CADPS2: variants seen among roughly 807,000 people sequenced by gnomAD.
CADPS2 encodes calcium-dependent secretion activator 2.
In CADPS2, 93 loss-of-function variants were observed where a neutral mutation model predicts 172.5. That is an observed-to-expected ratio of 0.54 (90% CI 0.46 to 0.64). The LOEUF is 0.64. Among genes scored for constraint, CADPS2 ranks in the 30% least tolerant of loss-of-function variants. CADPS2 has a pLI of 0.00. For missense variants in CADPS2, 1,420 were observed against 1,565.9 expected (o/e 0.91, Z 1.57); for synonymous variants, 546 against 555.2 (o/e 0.98, Z 0.23).
intron 28 of CADPS2, among the ~76,000 whole-genome samples, chr7:122,345,153 T>C (rs1159840574): frequency 6.6e-6 from 1 of 152,112 alleles, no homozygotes; most frequent in Non-Finnish European, 1.5e-5. Flanking sequence ...TGAGAGAAAG[T>C]CTCACTCTTT....
At chr7:122,638,518 C>G (rs1216447959) in intron 3 of CADPS2, among the ~76,000 whole-genome samples, 3 of 152,182 alleles carry the variant, frequency 2.0e-5, no homozygotes, top group Non-Finnish European at 4.4e-5. Flanking sequence ...CCATCTCCAG[C>G]ACCATGACTG....
At chr7:122,485,515 C>A (rs1010271683) in intron 11 of CADPS2, among the ~76,000 whole-genome samples, 3 of 152,210 alleles carry the variant, frequency 2.0e-5, no homozygotes, top group Admixed American at 6.5e-5. Flanking sequence ...GATTCTATGA[C>A]AGCTGAGAGA....
chr7:122,547,974 A>C (rs2063795401), intron 8 of CADPS2, among the ~76,000 whole-genome samples: 1 of 152,178 alleles, frequency 6.6e-6, no homozygotes, highest in African/African-American at 2.4e-5. Flanking sequence ...CTAATTATAC[A>C]ATCACATGAA....
At chr7:122,665,861 ATT>A (rs1243155039) in intron 2 of CADPS2, among the ~76,000 whole-genome samples, 1 of 152,134 alleles carries the variant, frequency 6.6e-6, no homozygotes. Flanking sequence ...TCCCTGTCTT[ATT>A]TTTTATGTTT....
chr7:122,403,143 T>C (rs1424300811), intron 20 of CADPS2, among the ~76,000 whole-genome samples: 2 of 152,206 alleles, frequency 1.3e-5, no homozygotes, highest in Non-Finnish European at 2.9e-5. Context: ...TTATTAACAA[T>C]GGTCTTCAGT....
At chr7:122,777,301 C>A (rs902907463) in intron 1 of CADPS2, among the ~76,000 whole-genome samples, 2 of 152,180 alleles carry the variant, frequency 1.3e-5, no homozygotes, top group African/African-American at 4.8e-5. Context: ...TGTACCATTG[C>A]TGCCACCAAA....
At position 122,886,183 on chromosome 7, in the gene CADPS2, C is replaced by T; in HGVS notation, c.155G>A (p.Gly52Asp). 2.0e-6 allele frequency: 3 copies of T among 1,468,212 alleles called. No homozygotes were observed. Among genetic ancestry groups the T allele is most frequent in the South Asian group, 1.4e-5 (1 of 71,680 alleles). The allele number at this position is 1,468,212 out of a possible 1,614,324, so 90.9% of individuals were successfully genotyped here. ...GCTCGGGCTCACAGATCTGGCCGCG[C>T]CGCCGCCGCCCGCGCGCCCCGGCGC... ...RDAPGRAGGG[G>D]AARSVSPSPS... Residue 52 changes from glycine (G) to aspartate (D), a missense_variant, in exon 1 of 30, where the codon GGC (glycine) becomes GAC (aspartate). Coordinates refer to ENST00000449022, the MANE Select transcript of CADPS2 (RefSeq NM_017954.11).
chr7:122,403,874 A>C (rs1228143980), intron 20 of CADPS2, among the ~76,000 whole-genome samples: 1 of 152,216 alleles, frequency 6.6e-6, no homozygotes, highest in Non-Finnish European at 1.5e-5. Context: ...TTCTCCAACA[A>C]AACTTCCAAG....
intron 2 of CADPS2, among the ~76,000 whole-genome samples, chr7:122,670,869 CAAAAAA>C (rs35788531): frequency 8.1e-6 from 1 of 122,976 alleles, no homozygotes; most frequent in South Asian, 2.9e-4. Flanking sequence ...AACCCTGTTT[CAAAAAA>C]AAAAAAAAAA....
chr7:122,407,905 G>C, intron 19 of CADPS2: 1 of 510,288 alleles, frequency 2.0e-6, no homozygotes, highest in East Asian at 3.2e-5. Flanking sequence ...ATAGAAAATA[G>C]AATTAAAATG....
chr7:122,766,658 G>A (rs1290871709), intron 1 of CADPS2, among the ~76,000 whole-genome samples: 1 of 152,140 alleles, frequency 6.6e-6, no homozygotes, highest in Non-Finnish European at 1.5e-5. Context: ...AAGAAAAGGT[G>A]TAAGTGTGTA....
At chr7:122,741,575 A>G (rs902771770) in intron 1 of CADPS2, among the ~76,000 whole-genome samples, 1 of 152,102 alleles carries the variant, frequency 6.6e-6, no homozygotes, top group African/African-American at 2.4e-5. Context: ...CTCTGTGTCT[A>G]TTTTTTTAAA....
intron 1 of CADPS2, among the ~76,000 whole-genome samples, chr7:122,821,293 G>T (rs1343956324): frequency 6.6e-6 from 1 of 152,098 alleles, no homozygotes; most frequent in Non-Finnish European, 1.5e-5. Flanking sequence ...ATGCTATATA[G>T]TACAAGCCAC....
chr7:122,753,353 G>A (rs2093026924), intron 1 of CADPS2, among the ~76,000 whole-genome samples: 2 of 152,132 alleles, frequency 1.3e-5, no homozygotes, highest in South Asian at 2.1e-4. Flanking sequence ...TACATGCAAA[G>A]AGGAAACTTT....
chr7:122,702,752 C>T (rs770021048), intron 2 of CADPS2: 2 of 1,587,632 alleles, frequency 1.3e-6, no homozygotes, highest in Middle Eastern at 1.7e-4. Flanking sequence ...GAAGCTCATG[C>T]CTCCATTTGT....
At position 122,581,228 on chromosome 7, in the gene CADPS2, AAG is replaced by A; in HGVS notation, c.1284_1285del (p.Phe429HisfsTer12). On this transcript the variant is annotated frameshift_variant, in exon 7 of 30. Transcript: ENST00000449022. LOFTEE classifies it high-confidence loss of function. ...GGCCAGAACTCCAGTGCTTTCTGTG[AAG>A]AGTTTCACTTTGACCACAGGCCGAG... The A allele has an allele frequency of 6.2e-7, 1 of 1,613,302 alleles. No homozygotes were observed. Among genetic ancestry groups the A allele is most frequent in the Non-Finnish European group, 8.5e-7 (1 of 1,179,448 alleles).
chr7:122,738,433 A>C (rs796545228), intron 1 of CADPS2, among the ~76,000 whole-genome samples: 56 of 152,136 alleles, frequency 3.7e-4, no homozygotes, highest in African/African-American at 1.3e-3. Flanking sequence ...ACTGGAGAGA[A>C]AACAACATAG....
At chr7:122,674,521 A>T (rs1254695165) in intron 2 of CADPS2, among the ~76,000 whole-genome samples, 1 of 152,204 alleles carries the variant, frequency 6.6e-6, no homozygotes, top group Non-Finnish European at 1.5e-5. Flanking sequence ...TATCTTAACA[A>T]AGTCGCGGTG....
chr7:122,600,659 TAAAC>T (rs998313928), intron 6 of CADPS2, among the ~76,000 whole-genome samples: 2 of 152,082 alleles, frequency 1.3e-5, no homozygotes, highest in Non-Finnish European at 2.9e-5. Context: ...AAAGCTCAAA[TAAAC>T]AGTAAAGTCC....
Sources: allele counts gnomAD v4.1 joint callset (sites outside exome capture counted in the v4.1 genomes callset), GRCh38; gene constraint gnomAD v4.1.1; transcripts MANE v1.5; gene names NCBI Gene and HGNC (gene_info 2026-07-23, HGNC 2026-07-21).